TMEM40: variants seen among roughly 807,000 people sequenced by gnomAD.
The protein encoded by TMEM40 is transmembrane protein 40.
TMEM40 carries 34 observed loss-of-function variants against 40.8 expected under a neutral mutation model. The observed-to-expected ratio is 0.83, with a 90% confidence interval of 0.63 to 1.11. The LOEUF (loss-of-function observed/expected upper bound fraction) is 1.11. TMEM40 is among the 50% of genes least tolerant of loss of function. The pLI is 0.00. For missense variants in TMEM40, 296 were observed against 280.2 expected (o/e 1.06, Z -0.40); for synonymous variants, 106 against 107.0 (o/e 0.99, Z 0.06).
chr3:12,734,754 C>T lies in TMEM40; in HGVS notation c.*20G>A. 1 of 1,590,622 alleles carries T rather than the reference C, an allele frequency of 6.3e-7. No individual in the cohort carries two copies. On this transcript the variant is annotated 3_prime_UTR_variant, in exon 12 of 12. Transcript: ENST00000314124. ...GTGGTCACACTGGGGCCTGCCTCTG[C>T]TGCCCACCTGGAAGTGGCCTCAGTC...
chr3:12,754,995 T>A (rs1575743351), intron 1 of TMEM40, among the ~76,000 whole-genome samples: 1 of 149,586 alleles, frequency 6.7e-6, no homozygotes, highest in Middle Eastern at 3.4e-3. Context: ...TCTTTTTCTC[T>A]TTCTTTCTCT....
At chr3:12,766,594 CAAA>C (rs57274225) in intron 1 of TMEM40, among the ~76,000 whole-genome samples, 2 of 95,058 alleles carry the variant, frequency 2.1e-5, no homozygotes, top group African/African-American at 3.1e-5. Context: ...GACTCCATCT[CAAA>C]AAAAAAAAAA....
chr3:12,738,490 G>A (rs2061355215), intron 6 of TMEM40, 63 bp downstream of exon 6: 1 of 1,570,116 alleles, frequency 6.4e-7, no homozygotes, highest in Non-Finnish European at 8.8e-7. Context: ...TGGGGGAGAG[G>A]TGATGCCTAG....
Position 12,749,944 on chromosome 3 carries a change from A to G in TMEM40, c.-8-104T>C, listed in dbSNP as rs1001692914. ...AGAAAAAGACAAACACTCAACATTC[A>G]AAGGAATAAGAAAAATAATTAACAA... On this transcript the variant is annotated intron_variant, in intron 1 of 11. Coordinates refer to ENST00000314124, the MANE Select transcript of TMEM40 (RefSeq NM_018306.4). 58 of 1,108,600 alleles carry G rather than the reference A, an allele frequency of 5.2e-5. 1 individual carries two copies. The East Asian group carries it at 1.4e-3, about 26-fold the overall frequency. The allele number at this position is 1,108,600 out of a possible 1,614,324, so 68.7% of individuals were successfully genotyped here.
At chr3:12,768,733 A>T (rs948877481) in intron 1 of TMEM40, among the ~76,000 whole-genome samples, 7 of 152,098 alleles carry the variant, frequency 4.6e-5, no homozygotes, top group Admixed American at 3.3e-4. Context: ...GGCTTCACCC[A>T]GTGGATCCCG....
At chr3:12,746,064 A>G (rs1196851232) in intron 3 of TMEM40, among the ~76,000 whole-genome samples, 1 of 151,668 alleles carries the variant, frequency 6.6e-6, no homozygotes, top group African/African-American at 2.4e-5. Flanking sequence ...CACCTGGCTA[A>G]TTTTTGTATT....
upstream of TMEM40, among the ~76,000 whole-genome samples, chr3:12,760,366 C>T (rs1256500327): frequency 6.6e-6 from 1 of 152,190 alleles, no homozygotes; most frequent in Non-Finnish European, 1.5e-5. Flanking sequence ...TTCCCCACAC[C>T]TCTGGCCCTC....
chr3:12,765,978 T>A (rs1282829722), intron 1 of TMEM40, among the ~76,000 whole-genome samples: 1 of 152,098 alleles, frequency 6.6e-6, no homozygotes, highest in Admixed American at 6.5e-5. Flanking sequence ...CACCTTAGAC[T>A]ACTGAGTAGC....
At chr3:12,734,868 G>A in intron 11 of TMEM40, 75 bp from the exon 12 acceptor site, 2 of 1,526,774 alleles carry the variant, frequency 1.3e-6, no homozygotes, top group Admixed American at 1.9e-5. Context: ...CACCTCAGAT[G>A]CCCAAGTACC....
rs1352903966 is a variant in TMEM40 at position 12,734,651 on chromosome 3, CT to C, written c.*122del. The C allele has an allele frequency of 2.6e-6, 3 of 1,134,306 alleles. No homozygotes were observed. In the Admixed American group the frequency reaches 6.3e-5, roughly 24 times the overall value. 70.3% of individuals were successfully genotyped at this position (1,134,306 alleles called of 1,614,324 possible). ...CAGACCACATGGAAGGAAAAGTGTT[CT>C]GTTTATTGGTCTGGCTTGGTCTCCT... On this transcript the variant is annotated 3_prime_UTR_variant, in exon 12 of 12. Coordinates refer to ENST00000314124, the MANE Select transcript of TMEM40 (RefSeq NM_018306.4).
In TMEM40 at chr3:12,735,585, T is replaced by C. The variant is rs1188760686; in HGVS notation, c.652A>G (p.Ile218Val). The change falls in exon 11 of 12, where the codon ATC (isoleucine) becomes GTC (valine). Residue 218 changes from isoleucine (I) to valine (V), a missense_variant. Coordinates refer to ENST00000314124, the MANE Select transcript of TMEM40 (RefSeq NM_018306.4). ...AGCCTAAACTTCTGGAAGAGGGGGA[T>C]GAAGCCTTGGAGGACGCTGTGGATA... ...YRIHSVLQGF[I>V]PLFQKFRLTG... 2 of 1,613,654 alleles carry C rather than the reference T, an allele frequency of 1.2e-6. No individual in the cohort carries two copies. The highest frequency in any genetic ancestry group is 1.7e-6 in the Non-Finnish European group (2 of 1,179,868).
chr3:12,739,441 C>T (rs888206825), intron 5 of TMEM40, among the ~76,000 whole-genome samples: 39 of 151,940 alleles, frequency 2.6e-4, no homozygotes, highest in African/African-American at 3.9e-4. Flanking sequence ...CCCGCCACCA[C>T]GCCTGGCTAA....
At chr3:12,756,588 C>G (rs1261224084) in intron 1 of TMEM40, among the ~76,000 whole-genome samples, 1 of 152,110 alleles carries the variant, frequency 6.6e-6, no homozygotes, top group African/African-American at 2.4e-5. Context: ...TAGGAAGAAA[C>G]CTAAAACTCA....
intron 1 of TMEM40, among the ~76,000 whole-genome samples, chr3:12,751,777 A>G (rs964815678): frequency 1.3e-5 from 2 of 152,134 alleles, no homozygotes; most frequent in South Asian, 2.1e-4. Context: ...GATCATCTCT[A>G]ATGAAGGCAT....
At position 12,742,899 on chromosome 3, in the gene TMEM40, G is replaced by A. The variant is rs1043090575; in HGVS notation, c.302-392C>T. 4.6e-5 allele frequency among the ~76,000 whole-genome samples: 7 copies of A among 152,276 alleles called. No individual in the cohort carries two copies. In the East Asian group the frequency reaches 9.6e-4, roughly 21 times the overall value. On this transcript the variant is annotated intron_variant, in intron 4 of 11. Coordinates refer to ENST00000314124, the MANE Select transcript of TMEM40 (RefSeq NM_018306.4). ...CACCCATTATACAGATAAGGACACT[G>A]AGGCTCAAATAGTTAAATTATTTTC...
intron 1 of TMEM40, among the ~76,000 whole-genome samples, chr3:12,768,898 GGGGCAGGGCGGGCCGGGGCCGGGGCC>G (rs2061607327): frequency 7.7e-6 from 1 of 130,178 alleles, no homozygotes; most frequent in African/African-American, 3.3e-5. Context: ...GGGGCGGGGC[GGGGCAGGGCGGGCCGGGGCCGGGGCC>G]GGGGCGGGGC....
rs373748748 is a variant in TMEM40 at position 12,755,241 on chromosome 3, T to C, written c.-9+3950A>G. ...TCTCTCTCTCTCTCTCTCTCTTTCTTTCTTTCTTTCTTTCTTTCTTTCTTT... is the reference window on the plus strand; with the variant it reads ...TCTCTCTCTCTCTCTCTCTCTTTCTCTCTTTCTTTCTTTCTTTCTTTCTTT... On this transcript the variant is annotated intron_variant, in intron 1 of 11. Transcript: ENST00000314124. 4.4e-3 allele frequency among the ~76,000 whole-genome samples: 402 copies of C among 91,714 alleles called. 6 individuals carry two copies. The highest frequency in any genetic ancestry group is 0.02 in the African/African-American group (341 of 17,104). 60.2% of individuals were successfully genotyped at this position (91,714 alleles called of 152,430 possible). A position where few individuals can be genotyped will look rare whatever the true frequency, so the allele number is the denominator to read the frequency against.
At chr3:12,735,681 A>T (rs530999098) in intron 10 of TMEM40, 64 bp from the exon 11 acceptor site, 3 of 1,431,800 alleles carry the variant, frequency 2.1e-6, no homozygotes, top group Non-Finnish European at 2.9e-6. Flanking sequence ...CCAGGCCACC[A>T]CTGGACAAGG....
upstream of TMEM40, among the ~76,000 whole-genome samples, chr3:12,764,221 T>C (rs2061584711): frequency 6.6e-6 from 1 of 152,200 alleles, no homozygotes; most frequent in Non-Finnish European, 1.5e-5. Flanking sequence ...GCTACATGAA[T>C]TTTTAGTCAC....
Sources: allele counts gnomAD v4.1 joint callset (sites outside exome capture counted in the v4.1 genomes callset), GRCh38; gene constraint gnomAD v4.1.1; transcripts MANE v1.5; gene names NCBI Gene and HGNC (gene_info 2026-07-23, HGNC 2026-07-21).